Variants in CLYBL observed in about 807,000 individuals in gnomAD.
CLYBL encodes the protein citramalyl-CoA lyase, mitochondrial.
In CLYBL, 31 loss-of-function variants were observed where a neutral mutation model predicts 38.9. That is an observed-to-expected ratio of 0.80 (90% CI 0.60 to 1.08). CLYBL has a LOEUF of 1.08. Ranked by LOEUF, CLYBL falls within the 50% of genes least tolerant of loss-of-function variation. The pLI, the probability that CLYBL is intolerant of heterozygous loss-of-function variation, is 0.00. For synonymous variants in CLYBL, 171 were observed against 158.6 expected, an observed-to-expected ratio of 1.08 and a Z score of -0.59; for missense variants, 434 against 411.6, an observed-to-expected ratio of 1.05 and a Z score of -0.47.
chr13:99,622,547 A>G (rs1360238824), intron 1 of CLYBL, among the ~76,000 whole-genome samples: 1 of 152,218 alleles, frequency 6.6e-6, no homozygotes, highest in Non-Finnish European at 1.5e-5. Context: ...GATTGTTTAC[A>G]TGTATGGGTG....
intron 2 of CLYBL, among the ~76,000 whole-genome samples, chr13:99,840,858 G>GTT (rs1364929191): frequency 6.9e-6 from 1 of 145,654 alleles, no homozygotes; most frequent in Non-Finnish European, 1.5e-5. Flanking sequence ...CCAAGGTAGT[G>GTT]TTTGTTGCCC....
intron 1 of CLYBL, among the ~76,000 whole-genome samples, chr13:99,672,637 G>T (rs184535138): frequency 2.6e-5 from 4 of 151,678 alleles, no homozygotes; most frequent in Admixed American, 1.3e-4. Flanking sequence ...TTAGCCAGGC[G>T]TGGTGGTGTG....
intron 1 of CLYBL, among the ~76,000 whole-genome samples, chr13:99,708,450 T>C (rs1012716366): frequency 3.3e-5 from 5 of 152,208 alleles, no homozygotes; most frequent in African/African-American, 1.2e-4. Context: ...AGTGGAACAC[T>C]GAGATGATAT....
chr13:99,855,768 A>G (rs1381934126), intron 2 of CLYBL, among the ~76,000 whole-genome samples: 2 of 151,826 alleles, frequency 1.3e-5, no homozygotes, highest in Non-Finnish European at 2.9e-5. Context: ...CAAATACTTC[A>G]CCCTGAAAAT....
intron 1 of CLYBL, among the ~76,000 whole-genome samples, chr13:99,618,393 C>T (rs1026215893): frequency 3.3e-5 from 5 of 151,954 alleles, no homozygotes; most frequent in African/African-American, 9.7e-5. Flanking sequence ...CCTCTGCCTC[C>T]GAGTAGCTGG....
intron 7 of CLYBL, among the ~76,000 whole-genome samples, chr13:99,883,966 T>G (rs978122040): frequency 3.9e-5 from 6 of 152,204 alleles, no homozygotes; most frequent in African/African-American, 1.4e-4. Context: ...AACTGTTAAG[T>G]CATTTGCATG....
intron 1 of CLYBL, among the ~76,000 whole-genome samples, chr13:99,759,747 T>C (rs988801724): frequency 6.6e-6 from 1 of 152,232 alleles, no homozygotes; most frequent in Non-Finnish European, 1.5e-5. Flanking sequence ...CTTTCATCTG[T>C]GAGAAGTAGC....
chr13:99,865,657 A>G lies in CLYBL; in HGVS notation c.635-583A>G, dbSNP rs148966651. On this transcript the variant is annotated intron_variant, in intron 5 of 8. Coordinates refer to ENST00000339105, the MANE Select transcript of CLYBL (RefSeq NM_206808.5). This position sits in a 1 kb window ranked among gnomAD's most constrained non-coding sequence, Gnocchi z 4.7. Reference sequence around the variant, plus strand: ...AATTTATTTGAATACGAGTCTTTCCAGGAGACTTGTGTATCCAACGGTTCA... The same window carrying G: ...AATTTATTTGAATACGAGTCTTTCCGGGAGACTTGTGTATCCAACGGTTCA... Among the ~76,000 whole-genome samples the G allele has an allele frequency of 1.4e-3, 206 of 152,350 alleles. No individual in the cohort carries two copies. Among genetic ancestry groups the G allele is most frequent in the African/African-American group, 4.7e-3 (194 of 41,588 alleles).
rs187804622 is a variant in CLYBL, at chr13:99,800,066, G to A, written c.249+27056G>A. Among the ~76,000 whole-genome samples the A allele has an allele frequency of 4.7e-4, 72 of 152,338 alleles. 1 individual carries two copies. Among genetic ancestry groups the A allele is most frequent in the Admixed American group, 4.2e-3 (65 of 15,304 alleles). On this transcript the variant is annotated intron_variant, in intron 2 of 8. Transcript: ENST00000339105. Reference sequence around the variant, plus strand: ...AAATGTTCCTGGGAGGAACATGACTGCATGTAGAAGAACGTGCAGTTTGTC... The same window carrying A: ...AAATGTTCCTGGGAGGAACATGACTACATGTAGAAGAACGTGCAGTTTGTC...
At chr13:99,625,715 A>G (rs1221883104) in intron 1 of CLYBL, among the ~76,000 whole-genome samples, 2 of 152,256 alleles carry the variant, frequency 1.3e-5, no homozygotes, top group Non-Finnish European at 2.9e-5. Flanking sequence ...TACCAGTAGT[A>G]TGAAGTAAGA....
At chr13:99,864,796 G>C (rs780375278) in intron 4 of CLYBL, 22 bp from the exon 5 acceptor site, 5 of 1,571,460 alleles carry the variant, frequency 3.2e-6, no homozygotes, top group Non-Finnish European at 4.4e-6. Context: ...GTGAGACTTA[G>C]TTCTGTTCTG....
In CLYBL at chr13:99,905,847, C is replaced by A. The variant is rs2052692415; in HGVS notation, c.*160+442C>A. ...GCTGCACGATCTCGGCTCACTGCAGCCTCGACCTCCCCTGCTCAAGCCATC... is the reference window on the plus strand; with the variant it reads ...GCTGCACGATCTCGGCTCACTGCAGACTCGACCTCCCCTGCTCAAGCCATC... On this transcript the variant is annotated intron_variant and NMD_transcript_variant, in intron 9 of 9. Coordinates refer to the CLYBL transcript ENST00000689673. Among the ~76,000 whole-genome samples, 3 of 152,080 alleles carry A rather than the reference C, an allele frequency of 2.0e-5. No individual in the cohort carries two copies. The South Asian group carries it at 6.2e-4, about 32-fold the overall frequency.
intron 2 of CLYBL, among the ~76,000 whole-genome samples, chr13:99,851,945 T>A (rs1457669862): frequency 2.0e-5 from 3 of 152,204 alleles, no homozygotes; most frequent in African/African-American, 7.2e-5. Context: ...ACCAGCCAGG[T>A]GTCCATTAAC....
At chr13:99,830,115 C>G (rs960196196) in intron 2 of CLYBL, among the ~76,000 whole-genome samples, 5 of 152,178 alleles carry the variant, frequency 3.3e-5, no homozygotes, top group Admixed American at 3.3e-4. Context: ...TGATCTCTCT[C>G]TCGGACTTTT....
intron 1 of CLYBL, among the ~76,000 whole-genome samples, chr13:99,640,827 A>C (rs761894600): frequency 1.3e-5 from 2 of 152,222 alleles, no homozygotes; most frequent in African/African-American, 4.8e-5. Context: ...ATTTGTATGC[A>C]TGTACCCAGA....
chr13:99,864,052 A>G (rs1048972473), intron 4 of CLYBL, among the ~76,000 whole-genome samples: 2 of 152,214 alleles, frequency 1.3e-5, no homozygotes, highest in African/African-American at 4.8e-5. Context: ...AATCCTGAGA[A>G]TATAATCAAA....
intron 1 of CLYBL, among the ~76,000 whole-genome samples, chr13:99,629,535 A>G (rs2046914454): frequency 6.6e-6 from 1 of 152,106 alleles, no homozygotes; most frequent in South Asian, 2.1e-4. Flanking sequence ...AGAGATGCTG[A>G]TTCCATCTGC....
intron 7 of CLYBL, among the ~76,000 whole-genome samples, chr13:99,879,083 C>T (rs1450124551): frequency 1.3e-5 from 2 of 152,118 alleles, no homozygotes; most frequent in African/African-American, 2.4e-5. Context: ...GTTGTTCAGC[C>T]GCCTCGACCT....
chr13:99,729,070 T>C (rs1323529344), intron 1 of CLYBL, among the ~76,000 whole-genome samples: 6 of 152,210 alleles, frequency 3.9e-5, no homozygotes, highest in Admixed American at 6.5e-5. Flanking sequence ...GGCCATCCAA[T>C]TGTCTCCTTC....
Sources: gnomAD v4.1 joint callset for allele counts (sites outside exome capture counted in the v4.1 genomes callset) on GRCh38, gnomAD v4.1.1 for gene constraint, Gnocchi (gnomAD v3.1) non-coding constraint, MANE v1.5 for transcripts, NCBI Gene and HGNC (gene_info 2026-07-23, HGNC 2026-07-21) for gene names.